JAM2: variants seen among roughly 807,000 people sequenced by gnomAD.
JAM2 encodes the protein junctional adhesion molecule B.
A neutral mutation model predicts 42.0 loss-of-function variants in JAM2; 17 were observed. That is an observed-to-expected ratio of 0.40 (90% confidence interval 0.28 to 0.61). The LOEUF (loss-of-function observed/expected upper bound fraction) is 0.61. JAM2 is among the 20% of genes least tolerant of loss of function. The pLI is 0.37. For synonymous variants in JAM2, 118 were observed against 128.6 expected (o/e 0.92, Z 0.56); for missense variants, 319 against 358.3 (o/e 0.89, Z 0.89).
At chr21:25,686,214 A>G (rs2033748818) in intron 2 of JAM2, among the ~76,000 whole-genome samples, 2 of 152,160 alleles carry the variant, frequency 1.3e-5, no homozygotes, top group South Asian at 4.1e-4. Context: ...AATGTATTGC[A>G]AGCAAATGTT....
At chr21:25,712,463 G>A in intron 9 of JAM2, 81 bp downstream of exon 9, 1 of 1,017,726 alleles carries the variant, frequency 9.8e-7, no homozygotes, top group Non-Finnish European at 1.5e-6. Context: ...TATGGACTTT[G>A]TGAATTTTCA....
chr21:25,699,525 ATCCTGGCTAACACGG>A (rs1466433242), intron 5 of JAM2, among the ~76,000 whole-genome samples: 1 of 152,050 alleles, frequency 6.6e-6, no homozygotes, highest in Non-Finnish European at 1.5e-5. Context: ...GATCAAGACC[ATCCTGGCTAACACGG>A]TGAAACCCCG....
intron 1 of JAM2, among the ~76,000 whole-genome samples, chr21:25,667,332 A>G (rs539528362): frequency 1.3e-5 from 2 of 152,316 alleles, no homozygotes; most frequent in East Asian, 3.9e-4. Context: ...ATGTATTGTC[A>G]GAAGGTCAAT....
intron 1 of JAM2, among the ~76,000 whole-genome samples, chr21:25,670,196 G>A (rs1429304045): frequency 6.6e-6 from 1 of 151,992 alleles, no homozygotes; most frequent in Non-Finnish European, 1.5e-5. Context: ...TCAAAAATTT[G>A]ACCTTGGCTG....
intron 1 of JAM2, among the ~76,000 whole-genome samples, chr21:25,651,058 C>T (rs2032762253): frequency 8.5e-6 from 1 of 117,426 alleles, no homozygotes; most frequent in South Asian, 3.3e-4. Context: ...TACCTCCCCC[C>T]GCCAAAAAAA....
chr21:25,713,620 G>A (rs1360259731), intron 9 of JAM2, among the ~76,000 whole-genome samples: 2 of 152,152 alleles, frequency 1.3e-5, no homozygotes, highest in Admixed American at 6.5e-5. Flanking sequence ...CCACTTTTCT[G>A]TAAAAATTTG....
chr21:25,696,124 G>A (rs945693536), intron 4 of JAM2, among the ~76,000 whole-genome samples: 1 of 152,318 alleles, frequency 6.6e-6, no homozygotes, highest in East Asian at 1.9e-4. Flanking sequence ...ACGAGACTCC[G>A]TCTGCAATCC....
chr21:25,695,824 C>T (rs535433391), intron 4 of JAM2, among the ~76,000 whole-genome samples: 167 of 151,060 alleles, frequency 1.1e-3, no homozygotes, highest in African/African-American at 3.8e-3. Flanking sequence ...CCTCACATCC[C>T]AGACCGGGCG....
At chr21:25,666,042 AAATAAT>A (rs770739924) in intron 1 of JAM2, among the ~76,000 whole-genome samples, 23 of 151,884 alleles carry the variant, frequency 1.5e-4, no homozygotes, top group Non-Finnish European at 3.1e-4. Flanking sequence ...ACCATCTCAA[AAATAAT>A]AATAATAATA....
rs1568909105 is a variant in JAM2, at chr21:25,689,868, G to A, written c.136G>A (p.Ala46Thr). The A allele has an allele frequency of 6.3e-7, 1 of 1,597,454 alleles. No homozygotes were observed. The highest frequency in any genetic ancestry group is 1.3e-5 in the African/African-American group (1 of 74,686). ...AGTATTTTTATTGTTGTTCCTAGAGGCTATTTTAGCCTGCAAAACCCCAAA... is the reference window on the plus strand; with the variant it reads ...AGTATTTTTATTGTTGTTCCTAGAGACTATTTTAGCCTGCAAAACCCCAAA... ...QVVTAVEYQEAILACKTPKKT... is the reference protein window; with the variant it reads ...QVVTAVEYQETILACKTPKKT... The change falls in exon 3 of 10, where the codon GCT becomes ACT. Residue 46 changes from alanine (A) to threonine (T), a missense_variant and splice_region_variant. Coordinates refer to ENST00000480456, the MANE Select transcript of JAM2 (RefSeq NM_021219.4).
At chr21:25,648,702 T>G (rs1339229005) in intron 1 of JAM2, among the ~76,000 whole-genome samples, 1 of 152,194 alleles carries the variant, frequency 6.6e-6, no homozygotes, top group Non-Finnish European at 1.5e-5. Context: ...GGTATATTCT[T>G]TATTCTCTTA....
chr21:25,649,370 G>T (rs2032706856), intron 1 of JAM2, among the ~76,000 whole-genome samples: 1 of 152,168 alleles, frequency 6.6e-6, no homozygotes, highest in East Asian at 1.9e-4. Flanking sequence ...TTCTTTACTT[G>T]ATGGCCGGAA....
At chr21:25,672,257 TAAGTAACA>T (rs1211125371) in intron 1 of JAM2, among the ~76,000 whole-genome samples, 1 of 152,122 alleles carries the variant, frequency 6.6e-6, no homozygotes, top group Non-Finnish European at 1.5e-5. Flanking sequence ...GGTGGTTTAG[TAAGTAACA>T]AATACCTGTG....
intron 1 of JAM2, among the ~76,000 whole-genome samples, chr21:25,675,821 T>C (rs959293167): frequency 3.3e-5 from 5 of 152,022 alleles, no homozygotes; most frequent in African/African-American, 1.2e-4. Context: ...AACATGAGAT[T>C]TGGGTGGGAC....
At position 25,684,500 on chromosome 21, in the gene JAM2, G is replaced by A. The variant is rs146703467; in HGVS notation, c.133+552G>A. Among the ~76,000 whole-genome samples, 573 of 152,116 alleles carry A rather than the reference G, an allele frequency of 3.8e-3. 5 individuals carry two copies. Among genetic ancestry groups the A allele is most frequent in the African/African-American group, 0.013 (557 of 41,568 alleles). ...TACAGTTAAAAATGGTCAAGATGGT[G>A]AATTTTACGTTTATTTTGCCACAGT... is the stretch of plus-strand genomic sequence containing the variant. On this transcript the variant is annotated intron_variant, in intron 2 of 9. Transcript: ENST00000480456.
At chr21:25,648,870 A>G (rs2032689858) in intron 1 of JAM2, among the ~76,000 whole-genome samples, 2 of 152,326 alleles carry the variant, frequency 1.3e-5, no homozygotes, top group Non-Finnish European at 1.5e-5. Flanking sequence ...ATAAGCTGGA[A>G]TTTAATGTTT....
At position 25,683,912 on chromosome 21, in the gene JAM2, A is replaced by G. The variant is rs1378263911; in HGVS notation, c.97A>G (p.Lys33Glu). 4 of 1,609,412 alleles carry G rather than the reference A, an allele frequency of 2.5e-6. No homozygotes were observed. The highest frequency in any genetic ancestry group is 1.1e-5 in the South Asian group (1 of 90,832). ...YHKAYGFSAP[K>E]DQQVVTAVEY... ...TAAGGCCTATGGGTTTTCTGCCCCA[A>G]AAGACCAACAAGTAGTCACAGCAGT... is the stretch of plus-strand genomic sequence containing the variant. The change falls in exon 2 of 10, where the codon AAA becomes GAA. Residue 33 changes from lysine to glutamate, a missense_variant. By Grantham distance (56) the Lys-to-Glu change is moderately conservative (BLOSUM62 1). Transcript: ENST00000480456.
chr21:25,692,067 G>C (rs1473333281), intron 3 of JAM2: 1 of 152,896 alleles, frequency 6.5e-6, no homozygotes, highest in Non-Finnish European at 1.5e-5. Context: ...AGGCCTGCTG[G>C]CAGCTGCTCC....
chr21:25,668,289 G>A (rs2033272381), intron 1 of JAM2, among the ~76,000 whole-genome samples: 1 of 152,222 alleles, frequency 6.6e-6, no homozygotes, highest in African/African-American at 2.4e-5. Flanking sequence ...GCCATGATCT[G>A]ACTTAGCATT....
Sources: gnomAD v4.1 joint callset for allele counts (sites outside exome capture counted in the v4.1 genomes callset) on GRCh38, gnomAD v4.1.1 for gene constraint, MANE v1.5 for transcripts, NCBI Gene and HGNC (gene_info 2026-07-23, HGNC 2026-07-21) for gene names.